The following LPAR1 variants were observed in gnomAD, a reference collection of about 807,000 sequenced individuals.
LPAR1 encodes lysophosphatidic acid receptor 1, also known as LPA receptor 1.
In LPAR1, 5 loss-of-function variants were observed where a neutral mutation model predicts 23.8. The ratio of observed to expected loss-of-function variants is 0.21; its 90% CI spans 0.11 to 0.44. LPAR1 has a LOEUF of 0.44. Ranked by LOEUF, LPAR1 falls within the 20% of genes least tolerant of loss-of-function variation. The probability of loss-of-function intolerance (pLI) is 0.99; values close to 1 mark genes in which losing one functional copy is unlikely to be tolerated. For synonymous variants in LPAR1, 160 were observed against 164.7 expected, an observed-to-expected ratio of 0.97 and a Z score of 0.22; for missense variants, 311 against 482.8, an observed-to-expected ratio of 0.64 and a Z score of 3.33.
chr9:110,989,496 T>C lies in LPAR1; in HGVS notation c.-181-15938A>G, dbSNP rs2096855011. 2.0e-5 allele frequency among the ~76,000 whole-genome samples: 3 copies of C among 152,194 alleles called. No homozygotes were observed. The South Asian group carries it at 6.2e-4, about 32-fold the overall frequency. On this transcript the variant is annotated intron_variant, in intron 2 of 5. Coordinates refer to ENST00000683809, the MANE Select transcript of LPAR1 (RefSeq NM_001351411.2). ...AAAAAGCAGGGGAGTAAAGTAAGTA[T>C]ACTGTATTGTTGTGAGGTTCTTGTA...
At chr9:111,015,574 G>A (rs2140872252) in intron 2 of LPAR1, among the ~76,000 whole-genome samples, 1 of 152,248 alleles carries the variant, frequency 6.6e-6, no homozygotes, top group Middle Eastern at 3.4e-3. Flanking sequence ...GGGAGATAGG[G>A]AGTTGTTGAT....
chr9:110,986,071 C>A (rs958642950), intron 2 of LPAR1, among the ~76,000 whole-genome samples: 1 of 152,102 alleles, frequency 6.6e-6, no homozygotes, highest in South Asian at 2.1e-4. Flanking sequence ...GGGTAAGAGA[C>A]AGACTTCATT....
chr9:110,951,797 G>A (rs528973571), intron 4 of LPAR1, among the ~76,000 whole-genome samples: 116 of 151,828 alleles, frequency 7.6e-4, no homozygotes, highest in African/African-American at 2.5e-3. Context: ...TGTGCCTAAC[G>A]AGAGACACAT....
intron 2 of LPAR1, among the ~76,000 whole-genome samples, chr9:111,003,566 A>G (rs2097166661): frequency 6.6e-6 from 1 of 152,194 alleles, no homozygotes; most frequent in Non-Finnish European, 1.5e-5. Flanking sequence ...TCTTATTTGG[A>G]AGGAAAATCT....
chr9:111,035,227 A>C (rs1212933997), intron 2 of LPAR1, among the ~76,000 whole-genome samples: 2 of 140,192 alleles, frequency 1.4e-5, no homozygotes, highest in African/African-American at 5.3e-5. Flanking sequence ...GTTTTCCCTA[A>C]GATTTTTTTT....
At chr9:110,940,051 A>C (rs763643001) in intron 5 of LPAR1, among the ~76,000 whole-genome samples, 5 of 152,170 alleles carry the variant, frequency 3.3e-5, no homozygotes, top group Non-Finnish European at 5.9e-5. Flanking sequence ...CAGAGAAACC[A>C]TTTTTGTAGT....
chr9:110,993,545 C>A (rs1051980290), intron 2 of LPAR1, among the ~76,000 whole-genome samples: 1 of 151,782 alleles, frequency 6.6e-6, no homozygotes, highest in South Asian at 2.1e-4. Flanking sequence ...TGTGTCAAAG[C>A]CTGAAAGGTG....
chr9:110,883,916 C>T (rs1003060430), intron 5 of LPAR1, among the ~76,000 whole-genome samples: 4 of 149,328 alleles, frequency 2.7e-5, no homozygotes, highest in Middle Eastern at 3.5e-3. Context: ...TTTCTTCTAA[C>T]GTACATCTTT....
intron 5 of LPAR1, among the ~76,000 whole-genome samples, chr9:110,878,425 C>A (rs2079741311): frequency 6.6e-6 from 1 of 152,086 alleles, no homozygotes; most frequent in South Asian, 2.1e-4. Context: ...ATAAATTTTG[C>A]TCAAATTAAG....
At chr9:110,905,111 C>A (rs995596648) in intron 5 of LPAR1, among the ~76,000 whole-genome samples, 1 of 145,790 alleles carries the variant, frequency 6.9e-6, no homozygotes, top group Non-Finnish European at 1.5e-5. Context: ...CCTTTTAGAT[C>A]AACTATAACA....
At chr9:111,026,469 C>T (rs2097693898) in intron 2 of LPAR1, among the ~76,000 whole-genome samples, 1 of 152,182 alleles carries the variant, frequency 6.6e-6, no homozygotes, top group Admixed American at 6.5e-5. Context: ...ATGTCATTTG[C>T]AAACAGAGAC....
chr9:110,941,383 G>C lies in LPAR1; in HGVS notation c.793+38C>G, dbSNP rs1460033318. 3 of 1,547,008 alleles carry C rather than the reference G, an allele frequency of 1.9e-6. No homozygotes were observed. Among genetic ancestry groups the C allele is most frequent in the Non-Finnish European group, 2.6e-6 (3 of 1,146,314 alleles). ...TAATGTGGTTTATGTTAGTCACTGA[G>C]AATCTATAAAGTAAGTTACAGTCAA... On this transcript the variant is annotated intron_variant, in intron 5 of 5. Transcript: ENST00000683809. This position sits in a 1 kb window ranked among gnomAD's most constrained non-coding sequence, Gnocchi z 6.1.
chr9:110,938,947 C>T (rs536866357), intron 5 of LPAR1, among the ~76,000 whole-genome samples: 87 of 152,268 alleles, frequency 5.7e-4, no homozygotes, highest in Admixed American at 1.4e-3. Context: ...TGCTACCCTG[C>T]CTATGAGATA....
At chr9:110,914,186 A>G (rs2092789465) in intron 5 of LPAR1, among the ~76,000 whole-genome samples, 2 of 152,134 alleles carry the variant, frequency 1.3e-5, no homozygotes, top group South Asian at 4.1e-4. Flanking sequence ...TAACTTTTAA[A>G]CCATTTTATC....
chr9:111,012,188 CT>C (rs770982233), intron 2 of LPAR1, among the ~76,000 whole-genome samples: 3 of 152,056 alleles, frequency 2.0e-5, no homozygotes, highest in Non-Finnish European at 4.4e-5. Flanking sequence ...GAGTTCAAGG[CT>C]GCAATGAGCA....
At chr9:110,886,627 A>G (rs947825397) in intron 5 of LPAR1, among the ~76,000 whole-genome samples, 7 of 152,196 alleles carry the variant, frequency 4.6e-5, no homozygotes, top group African/African-American at 1.7e-4. Context: ...TAAAAAAGAC[A>G]GTAAGATTTG....
At chr9:110,980,989 A>G (rs1250799240) in intron 2 of LPAR1, among the ~76,000 whole-genome samples, 1 of 152,126 alleles carries the variant, frequency 6.6e-6, no homozygotes, top group Admixed American at 6.6e-5. Context: ...TCTTCTGTAA[A>G]TAACTCAGCA....
intron 2 of LPAR1, among the ~76,000 whole-genome samples, chr9:110,987,166 C>T (rs140003708): frequency 1.6e-3 from 239 of 152,002 alleles, no homozygotes; most frequent in African/African-American, 5.5e-3. Context: ...TACAAGGATG[C>T]TTAATGCAAT....
intron 5 of LPAR1, among the ~76,000 whole-genome samples, chr9:110,917,265 C>T (rs1291126573): frequency 1.3e-5 from 2 of 151,966 alleles, no homozygotes; most frequent in Non-Finnish European, 2.9e-5. Flanking sequence ...AGGAGCATCA[C>T]TTGAACCTGG....
Sources: allele counts gnomAD v4.1 joint callset (sites outside exome capture counted in the v4.1 genomes callset), GRCh38; gene constraint gnomAD v4.1.1; non-coding constraint Gnocchi (gnomAD v3.1); transcripts MANE v1.5; gene names NCBI Gene and HGNC (gene_info 2026-07-23, HGNC 2026-07-21).